Variants in ASH1L observed in about 807,000 individuals in gnomAD.
ASH1L encodes the protein histone-lysine N-methyltransferase ASH1L.
In ASH1L, 23 loss-of-function variants were observed where a neutral mutation model predicts 269.0. The ratio of observed to expected loss-of-function variants is 0.09; its 90% CI spans 0.06 to 0.12. The LOEUF is 0.12. Among genes scored for constraint, ASH1L ranks in the 10% least tolerant of loss-of-function variants. The probability of loss-of-function intolerance (pLI) is 1.00; values close to 1 mark genes in which losing one functional copy is unlikely to be tolerated. For missense variants in ASH1L, 2,912 were observed against 3,567.8 expected (o/e 0.82, Z 4.68); for synonymous variants, 1,187 against 1,253.5 (o/e 0.95, Z 1.12).
rs368292760 is a variant in ASH1L at position 155,415,727 on chromosome 1, T to C, written c.6008+17A>G. On this transcript the variant is annotated intron_variant, in intron 6 of 27. Transcript: ENST00000392403. ...TGGAAGAAAAAGGGATGTTAGCTAA[T>C]AGGTACTACTACTTACTCTGTAGTT... 65 of 1,603,658 alleles carry C rather than the reference T, an allele frequency of 4.1e-5. No individual in the cohort carries two copies. Among genetic ancestry groups the C allele is most frequent in the South Asian group, 2.5e-4 (22 of 88,832 alleles).
Position 155,344,278 on chromosome 1 carries a change from T to G in ASH1L, c.7891-5A>C. On this transcript the variant is annotated splice_polypyrimidine_tract_variant and splice_region_variant and intron_variant, in intron 21 of 27. Coordinates refer to ENST00000392403, the MANE Select transcript of ASH1L (RefSeq NM_018489.3). ...CCGAGGGATCATGGGAACCTCCTGATAGGAGCAGAAAGCCAATGTATAAGG... is the reference window on the plus strand; with the variant it reads ...CCGAGGGATCATGGGAACCTCCTGAGAGGAGCAGAAAGCCAATGTATAAGG... The G allele has an allele frequency of 6.2e-7, 1 of 1,612,538 alleles. No individual in the cohort carries two copies.
intron 1 of ASH1L, among the ~76,000 whole-genome samples, chr1:155,529,580 T>C (rs569219545): frequency 1.2e-4 from 19 of 152,250 alleles, no homozygotes; most frequent in African/African-American, 4.1e-4. Flanking sequence ...ATGCTGACAT[T>C]AGACCTTTGT....
intron 12 of ASH1L, among the ~76,000 whole-genome samples, chr1:155,369,612 G>GAGGGGA (rs1461502831): frequency 1.3e-5 from 2 of 152,006 alleles, no homozygotes; most frequent in African/African-American, 4.8e-5. Flanking sequence ...TAATCTATTT[G>GAGGGGA]AGGGGAAGGG....
chr1:155,539,441 T>A (rs956794105), intron 1 of ASH1L, among the ~76,000 whole-genome samples: 3 of 99,108 alleles, frequency 3.0e-5, no homozygotes, highest in Non-Finnish European at 5.4e-5. Flanking sequence ...GTGTTTTATT[T>A]TATATATATA....
chr1:155,367,444 C>T (rs1655534950), intron 12 of ASH1L, among the ~76,000 whole-genome samples: 1 of 152,200 alleles, frequency 6.6e-6, no homozygotes, highest in Non-Finnish European at 1.5e-5. Flanking sequence ...ATAATAATGT[C>T]ATCTGCGAAT....
chr1:155,543,852 T>C (rs1394356848), intron 1 of ASH1L, among the ~76,000 whole-genome samples: 2 of 151,970 alleles, frequency 1.3e-5, no homozygotes, highest in African/African-American at 4.8e-5. Context: ...AAGAATCAAT[T>C]GAGCCCGGGA....
chr1:155,557,501 C>T (rs1403454192), intron 1 of ASH1L, among the ~76,000 whole-genome samples: 3 of 151,704 alleles, frequency 2.0e-5, no homozygotes, highest in Admixed American at 2.0e-4. Context: ...AGGATGGTCT[C>T]GTTCTCCTGA....
Position 155,438,761 on chromosome 1 carries a change from A to C in ASH1L, c.5394T>G (p.Ser1798Arg), listed in dbSNP as rs781501540. The C allele has an allele frequency of 2.5e-6, 4 of 1,613,910 alleles. No homozygotes were observed. The highest frequency in any genetic ancestry group is 2.5e-6 in the Non-Finnish European group (3 of 1,180,032). Residue 1798 changes from serine to arginine, a missense_variant, in exon 5 of 28, where the codon AGT (serine) becomes AGG (arginine). Coordinates refer to ENST00000392403, the MANE Select transcript of ASH1L (RefSeq NM_018489.3). ...SSCSPHHIKR[S>R]VVEAMQRQAR... ...CTTGGCGTTGCATAGCTTCCACTACACTTCTCTTGATATGATGGGGGGAAC... is the reference window on the plus strand; with the variant it reads ...CTTGGCGTTGCATAGCTTCCACTACCCTTCTCTTGATATGATGGGGGGAAC...
At chr1:155,413,479 T>C (rs1171810688) in intron 6 of ASH1L, among the ~76,000 whole-genome samples, 1 of 152,074 alleles carries the variant, frequency 6.6e-6, no homozygotes, top group Non-Finnish European at 1.5e-5. Flanking sequence ...CGGTGGTGGG[T>C]GCCTGTAATC....
intron 2 of ASH1L, among the ~76,000 whole-genome samples, chr1:155,515,832 TAA>T (rs755945664): frequency 0.021 from 2,278 of 106,712 alleles, 60 homozygotes; most frequent in African/African-American, 0.075. Flanking sequence ...GACTCTGCCT[TAA>T]AAAAAAAAAA....
Position 155,339,379 on chromosome 1 carries a change from GA to G in ASH1L, c.8461-12del, listed in dbSNP as rs765545973. ...TGGGACGTAATGAGGCTGCAGAGAA[GA>G]AAAGGAAGAGGTAAGCATATTGTAG... is the stretch of plus-strand genomic sequence containing the variant. On this transcript the variant is annotated splice_polypyrimidine_tract_variant and intron_variant, in intron 25 of 27. Coordinates refer to ENST00000392403, the MANE Select transcript of ASH1L (RefSeq NM_018489.3). 3.0e-5 allele frequency: 49 copies of G among 1,613,520 alleles called. No individual in the cohort carries two copies. Among genetic ancestry groups the G allele is most frequent in the African/African-American group, 4.0e-5 (3 of 75,044 alleles).
At chr1:155,394,943 A>AT (rs112498668) in intron 7 of ASH1L, among the ~76,000 whole-genome samples, 11 of 151,950 alleles carry the variant, frequency 7.2e-5, no homozygotes, top group African/African-American at 2.7e-4. Flanking sequence ...TATTTATTTA[A>AT]TTTTTTTTAG....
intron 4 of ASH1L, among the ~76,000 whole-genome samples, chr1:155,439,961 T>A (rs931796372): frequency 2.0e-5 from 3 of 151,996 alleles, no homozygotes; most frequent in Non-Finnish European, 2.9e-5. Context: ...TTAAGACTTT[T>A]TTTTTTATTT....
chr1:155,458,640 C>A lies in ASH1L; in HGVS notation c.5086+1157G>T, dbSNP rs185217603. ...GCTGAGGCAAGAGAATCACTTGAAC[C>A]CAGGAGTCAGTGGTTGCAGTGAGCC... On this transcript the variant is annotated intron_variant, in intron 4 of 27. Transcript: ENST00000392403. Among the ~76,000 whole-genome samples the A allele has an allele frequency of 1.3e-3, 193 of 152,236 alleles. 1 individual carries two copies. Among genetic ancestry groups the A allele is most frequent in the African/African-American group, 4.5e-3 (185 of 41,538 alleles).
intron 7 of ASH1L, among the ~76,000 whole-genome samples, chr1:155,382,820 G>A (rs571423962): frequency 2.6e-5 from 4 of 151,856 alleles, no homozygotes; most frequent in Non-Finnish European, 5.9e-5. Flanking sequence ...CAACCTCCCA[G>A]ACTAAAGCGA....
intron 14 of ASH1L, 61 bp downstream of exon 14, chr1:155,357,524 G>T: frequency 6.2e-7 from 1 of 1,604,288 alleles, no homozygotes; most frequent in Non-Finnish European, 8.5e-7. Context: ...CCTTATTCCA[G>T]CAATTGCCTC....
intron 1 of ASH1L, among the ~76,000 whole-genome samples, chr1:155,530,100 T>C (rs997886635): frequency 6.6e-6 from 1 of 152,130 alleles, no homozygotes; most frequent in African/African-American, 2.4e-5. Context: ...TAATTGCATA[T>C]CTTGCTCTTT....
intron 2 of ASH1L, among the ~76,000 whole-genome samples, chr1:155,488,833 A>G (rs1317780751): frequency 2.0e-5 from 3 of 152,146 alleles, no homozygotes; most frequent in Non-Finnish European, 4.4e-5. Flanking sequence ...CTGTATTAAA[A>G]CATGATATTA....
rs747888264 is a variant in ASH1L at position 155,338,158 on chromosome 1, G to A, written c.8734C>T (p.Arg2912Trp). ...TTGAGTCGTTCCCGTTGGTTATGCC[G>A]TCGTTCCTCAGGGGTACAGGTTGAC... Reference protein sequence around the residue: ...PQSTCTPEERRHNQRERLNQI... With the variant: ...PQSTCTPEERWHNQRERLNQI... Residue 2912 changes from arginine to tryptophan, a missense_variant, in exon 27 of 28, where the codon CGG becomes TGG. Physicochemically the swap from Arg to Trp is moderately radical, Grantham distance 101 (BLOSUM62 -3). Coordinates refer to ENST00000392403, the MANE Select transcript of ASH1L (RefSeq NM_018489.3). 6.8e-6 allele frequency: 11 copies of A among 1,614,046 alleles called. No individual in the cohort carries two copies. The highest frequency in any genetic ancestry group is 1.1e-5 in the South Asian group (1 of 91,080).
Sources: allele counts gnomAD v4.1 joint callset (sites outside exome capture counted in the v4.1 genomes callset), GRCh38; gene constraint gnomAD v4.1.1; transcripts MANE v1.5; gene names NCBI Gene and HGNC (gene_info 2026-07-23, HGNC 2026-07-21).